The following GPR39 variants were observed in gnomAD, a reference collection of about 807,000 sequenced individuals.
GPR39 encodes G protein-coupled receptor 39.
GPR39 carries 23 observed loss-of-function variants against 18.4 expected under a neutral mutation model. The ratio of observed to expected loss-of-function variants is 1.25; its 90% confidence interval spans 0.90 to 1.77. The LOEUF (loss-of-function observed/expected upper bound fraction) is 1.77. GPR39 is among the 40% of genes most tolerant of loss of function. GPR39 has a pLI of 0.00. For synonymous variants in GPR39, 280 were observed against 257.9 expected (o/e 1.09, Z -0.82); for missense variants, 647 against 602.4 (o/e 1.07, Z -0.78).
chr2:132,468,071 C>A (rs1680963309), intron 1 of GPR39, among the ~76,000 whole-genome samples: 1 of 152,176 alleles, frequency 6.6e-6, no homozygotes, highest in Non-Finnish European at 1.5e-5. Flanking sequence ...CCAGCACCTC[C>A]CAACACTCTG....
intron 1 of GPR39, among the ~76,000 whole-genome samples, chr2:132,426,131 G>C (rs1680114268): frequency 6.6e-6 from 1 of 152,198 alleles, no homozygotes; most frequent in Non-Finnish European, 1.5e-5. Flanking sequence ...ATCTCCAGAA[G>C]CTTCTCTTTG....
At chr2:132,590,733 C>T (rs1425270900) in intron 1 of GPR39, among the ~76,000 whole-genome samples, 1 of 151,998 alleles carries the variant, frequency 6.6e-6, no homozygotes, top group South Asian at 2.1e-4. Flanking sequence ...GATGGACTCC[C>T]ACCAACCACC....
At chr2:132,515,205 T>C (rs1043437422) in intron 1 of GPR39, among the ~76,000 whole-genome samples, 5 of 152,186 alleles carry the variant, frequency 3.3e-5, no homozygotes, top group Non-Finnish European at 7.3e-5. Flanking sequence ...ACCACATCTC[T>C]AAGGCCCCTT....
At chr2:132,598,300 T>C (rs1369876139) in intron 1 of GPR39, among the ~76,000 whole-genome samples, 1 of 152,178 alleles carries the variant, frequency 6.6e-6, no homozygotes, top group African/African-American at 2.4e-5. Context: ...TAAACCAGTT[T>C]CAACTGAGAG....
intron 1 of GPR39, among the ~76,000 whole-genome samples, chr2:132,486,028 C>T (rs1320279010): frequency 6.6e-6 from 1 of 152,174 alleles, no homozygotes; most frequent in Non-Finnish European, 1.5e-5. Flanking sequence ...GATCCATGGG[C>T]TGAAGAATGA....
chr2:132,534,247 A>G (rs1679699665), intron 1 of GPR39, among the ~76,000 whole-genome samples: 1 of 152,082 alleles, frequency 6.6e-6, no homozygotes, highest in Non-Finnish European at 1.5e-5. Context: ...AATGTTCATC[A>G]TCACTGGCCA....
At chr2:132,557,707 G>T (rs1271179780) in intron 1 of GPR39, among the ~76,000 whole-genome samples, 2 of 152,088 alleles carry the variant, frequency 1.3e-5, no homozygotes, top group South Asian at 2.1e-4. Flanking sequence ...AAAATGAGGG[G>T]TTTATATGGG....
At position 132,465,435 on chromosome 2, in the gene GPR39, A is replaced by G. The variant is rs555297175; in HGVS notation, c.856+47537A>G. Among the ~76,000 whole-genome samples, 6 of 152,290 alleles carry G rather than the reference A, an allele frequency of 3.9e-5. No homozygotes were observed. The South Asian group carries it at 1.2e-3, about 32-fold the overall frequency. ...TCTCCCTGTACCCCCTCTCCAAACT[A>G]TCATGCTGCTGGTATTGGCAATGAA... On this transcript the variant is annotated intron_variant, in intron 1 of 1. Transcript: ENST00000329321.
intron 1 of GPR39, among the ~76,000 whole-genome samples, chr2:132,643,439 G>A (rs1236249538): frequency 6.6e-6 from 1 of 152,176 alleles, no homozygotes; most frequent in East Asian, 1.9e-4. Context: ...TCCAACAGCA[G>A]GCAAGGAATA....
intron 1 of GPR39, among the ~76,000 whole-genome samples, chr2:132,636,154 T>G (rs76036182): frequency 0.016 from 2,469 of 152,308 alleles, 72 homozygotes; most frequent in African/African-American, 0.055. Flanking sequence ...TAACAAGAAG[T>G]GGTAGCTGGT....
chr2:132,460,316 C>T (rs1680807881), intron 1 of GPR39, among the ~76,000 whole-genome samples: 1 of 152,096 alleles, frequency 6.6e-6, no homozygotes, highest in Non-Finnish European at 1.5e-5. Flanking sequence ...TTCATGTAGT[C>T]CACAGATGGA....
intron 1 of GPR39, among the ~76,000 whole-genome samples, chr2:132,431,773 T>C (rs922185698): frequency 3.9e-5 from 6 of 152,192 alleles, no homozygotes; most frequent in African/African-American, 9.7e-5. Context: ...CTACTGTATC[T>C]TAAGTGGTGG....
chr2:132,507,511 C>A (rs1679156594), intron 1 of GPR39, among the ~76,000 whole-genome samples: 5 of 152,118 alleles, frequency 3.3e-5, no homozygotes. Context: ...TAAGAATTTG[C>A]CCCATTAGGT....
At chr2:132,545,965 C>T (rs3109133) in intron 1 of GPR39, among the ~76,000 whole-genome samples, 5 of 151,952 alleles carry the variant, frequency 3.3e-5, no homozygotes, top group African/African-American at 1.2e-4. Context: ...GCAGACGAAG[C>T]GAAGTTTACC....
intron 1 of GPR39, among the ~76,000 whole-genome samples, chr2:132,462,069 A>G (rs1224254507): frequency 1.3e-5 from 2 of 152,178 alleles, no homozygotes; most frequent in Admixed American, 1.3e-4. Context: ...ATCACCTCTT[A>G]TTAGCCCTGC....
intron 1 of GPR39, among the ~76,000 whole-genome samples, chr2:132,437,778 G>C (rs933755553): frequency 1.3e-5 from 2 of 152,184 alleles, no homozygotes; most frequent in African/African-American, 4.8e-5. Context: ...AGGGAAGGAA[G>C]GCTGACATGT....
At chr2:132,508,578 A>T (rs188493863) in intron 1 of GPR39, among the ~76,000 whole-genome samples, 2 of 119,028 alleles carry the variant, frequency 1.7e-5, no homozygotes, top group African/African-American at 5.7e-5. Context: ...ACCTCCATGC[A>T]TTGAAATGAC....
chr2:132,598,901 A>C (rs1680993675), intron 1 of GPR39, among the ~76,000 whole-genome samples: 1 of 152,216 alleles, frequency 6.6e-6, no homozygotes, highest in South Asian at 2.1e-4. Context: ...GGTCAGGCAC[A>C]TGGAGAGCAT....
intron 1 of GPR39, among the ~76,000 whole-genome samples, chr2:132,578,142 C>T (rs181931198): frequency 3.4e-5 from 5 of 148,690 alleles, no homozygotes; most frequent in Admixed American, 2.0e-4. Context: ...TATGATCACA[C>T]GATTTTTCTT....
Sources: allele counts gnomAD v4.1 joint callset (sites outside exome capture counted in the v4.1 genomes callset), GRCh38; gene constraint gnomAD v4.1.1; transcripts MANE v1.5; gene names NCBI Gene and HGNC (gene_info 2026-07-23, HGNC 2026-07-21).